Variants in N4BP2 observed in about 807,000 individuals in gnomAD.
N4BP2 encodes NEDD4 binding protein 2.
In N4BP2, 91 loss-of-function variants were observed where a neutral mutation model predicts 152.8. That is an observed-to-expected ratio of 0.60 (90% confidence interval 0.50 to 0.71). The LOEUF (loss-of-function observed/expected upper bound fraction) is 0.71. N4BP2 is among the 30% of genes least tolerant of loss of function. N4BP2 has a pLI of 0.00. For missense variants in N4BP2, 1,923 were observed against 2,059.1 expected, an observed-to-expected ratio of 0.93 and a Z score of 1.28; for synonymous variants, 646 against 705.3, an observed-to-expected ratio of 0.92 and a Z score of 1.33.
intron 7 of N4BP2, 97 bp downstream of exon 7, chr4:40,113,605 T>G (rs2109983706): frequency 3.6e-6 from 3 of 822,518 alleles, no homozygotes; most frequent in Middle Eastern, 4.6e-4. Context: ...ATGAATTGAT[T>G]AGATTGTAAC....
intron 13 of N4BP2, among the ~76,000 whole-genome samples, chr4:40,133,566 C>T (rs1341370912): frequency 1.3e-5 from 2 of 152,026 alleles, no homozygotes; most frequent in South Asian, 4.2e-4. Context: ...GAACTCCTGA[C>T]CTCAGCTGAT....
intron 2 of N4BP2, among the ~76,000 whole-genome samples, chr4:40,089,615 T>G (rs1409478377): frequency 6.6e-6 from 1 of 151,946 alleles, no homozygotes; most frequent in East Asian, 1.9e-4. Context: ...TTTTGTATTT[T>G]TAGTAGAGAC....
chr4:40,068,742 G>T (rs1039482028), intron 1 of N4BP2, among the ~76,000 whole-genome samples: 1 of 152,150 alleles, frequency 6.6e-6, no homozygotes, highest in Admixed American at 6.6e-5. Flanking sequence ...TTTTGAAATA[G>T]GAAGTATGAG....
intron 3 of N4BP2, among the ~76,000 whole-genome samples, chr4:40,100,747 G>C (rs1715569634): frequency 6.6e-6 from 1 of 152,084 alleles, no homozygotes; most frequent in African/African-American, 2.4e-5. Context: ...ACCAGTCCTG[G>C]CTCTGTCACT....
chr4:40,119,090 C>A (rs149371359), intron 8 of N4BP2, among the ~76,000 whole-genome samples: 259 of 152,302 alleles, frequency 1.7e-3, no homozygotes, highest in African/African-American at 5.8e-3. Flanking sequence ...AAAGCTTTGT[C>A]ATCTCTGACA....
At chr4:40,074,351 A>G (rs1173253554) in intron 2 of N4BP2, among the ~76,000 whole-genome samples, 1 of 79,968 alleles carries the variant, frequency 1.3e-5, no homozygotes, top group Non-Finnish European at 3.2e-5. Context: ...TTGACCTCCC[A>G]AAGTGCTGGA....
chr4:40,142,938 A>G, intron 15 of N4BP2, 77 bp downstream of exon 15: 1 of 1,174,672 alleles, frequency 8.5e-7, no homozygotes, highest in Non-Finnish European at 1.2e-6. Context: ...AGACACCCAT[A>G]TTGTGACTAG....
intron 14 of N4BP2, among the ~76,000 whole-genome samples, chr4:40,139,619 G>C (rs1478923247): frequency 6.6e-6 from 1 of 150,930 alleles, no homozygotes; most frequent in Non-Finnish European, 1.5e-5. Flanking sequence ...AGCCTCCCAG[G>C]TAGCTGGGAT....
intron 5 of N4BP2, among the ~76,000 whole-genome samples, chr4:40,110,585 T>G (rs184550947): frequency 4.5e-4 from 69 of 152,362 alleles, no homozygotes; most frequent in Non-Finnish European, 2.9e-4. Flanking sequence ...TCACTTAGAC[T>G]GGAGTGCAGT....
At chr4:40,134,895 TCCTTCCTTTC>T (rs1295825918) in intron 13 of N4BP2, among the ~76,000 whole-genome samples, 4 of 85,322 alleles carry the variant, frequency 4.7e-5, no homozygotes, top group South Asian at 6.8e-4. Flanking sequence ...CTCCCTTCCT[TCCTTCCTTTC>T]TCTCTCTCTC....
intron 2 of N4BP2, among the ~76,000 whole-genome samples, chr4:40,088,720 G>A (rs1285861976): frequency 6.6e-6 from 1 of 152,022 alleles, no homozygotes; most frequent in East Asian, 1.9e-4. Context: ...GGCCGGTCTC[G>A]AATTCCTGAC....
At chr4:40,176,494 T>C in the N4BP2 span, among the ~76,000 whole-genome samples, 2 of 152,146 alleles carry the variant, frequency 1.3e-5, no homozygotes, top group African/African-American at 4.8e-5. Flanking sequence ...GGAGAGTGTA[T>C]AGTTTTGACA....
Position 40,121,277 on chromosome 4 carries a change from A to C in N4BP2, c.3166A>C (p.Ile1056Leu). 6.2e-7 allele frequency: 1 copy of C among 1,613,388 alleles called. No homozygotes were observed. The highest frequency in any genetic ancestry group is 1.1e-5 in the South Asian group (1 of 91,002). ...TGGATTTAAGCCGAAAGTTTTCAATATTAACACAAAATCAGACGTTCAAGA... is the reference window on the plus strand; with the variant it reads ...TGGATTTAAGCCGAAAGTTTTCAATCTTAACACAAAATCAGACGTTCAAGA... ...LDGFKPKVFN[I>L]NTKSDVQEAI... The change falls in exon 9 of 18, where the codon ATT becomes CTT. Residue 1056 changes from isoleucine to leucine, a missense_variant. By Grantham distance (5) the Ile-to-Leu change is conservative (BLOSUM62 2). Coordinates refer to ENST00000261435, the MANE Select transcript of N4BP2 (RefSeq NM_018177.6).
chr4:40,176,371 A>G, the N4BP2 span, among the ~76,000 whole-genome samples: 1 of 152,214 alleles, frequency 6.6e-6, no homozygotes, highest in Non-Finnish European at 1.5e-5. Flanking sequence ...AATCTTCACT[A>G]AGAATATGAA....
At chr4:40,077,455 C>G (rs1712865443) in intron 2 of N4BP2, among the ~76,000 whole-genome samples, 1 of 125,604 alleles carries the variant, frequency 8.0e-6, no homozygotes, top group Non-Finnish European at 1.7e-5. Context: ...GCCAGAATAT[C>G]TTTTTTTTTT....
At chr4:40,110,166 ATGAG>A (rs1481505590) in intron 5 of N4BP2, among the ~76,000 whole-genome samples, 1 of 152,156 alleles carries the variant, frequency 6.6e-6, no homozygotes, top group East Asian at 1.9e-4. Context: ...CTTTATATGG[ATGAG>A]TAAGATTCCA....
intron 1 of N4BP2, among the ~76,000 whole-genome samples, chr4:40,061,551 G>C (rs546140330): frequency 1.2e-3 from 188 of 151,896 alleles, no homozygotes; most frequent in Non-Finnish European, 1.7e-3. Flanking sequence ...TTTTAGTAGA[G>C]ATGGGGTCTC....
chr4:40,160,359 T>C (rs567523357), downstream of N4BP2, among the ~76,000 whole-genome samples: 1 of 152,374 alleles, frequency 6.6e-6, no homozygotes, highest in South Asian at 2.1e-4. Flanking sequence ...GAATGCCGTA[T>C]GCGTTTAGTA....
intron 2 of N4BP2, among the ~76,000 whole-genome samples, chr4:40,082,696 G>A (rs1203954626): frequency 6.6e-6 from 1 of 151,686 alleles, no homozygotes; most frequent in Non-Finnish European, 1.5e-5. Flanking sequence ...TTAACCACAG[G>A]CTGTATTCTT....
Sources: gnomAD v4.1 joint callset for allele counts (sites outside exome capture counted in the v4.1 genomes callset) on GRCh38, gnomAD v4.1.1 for gene constraint, MANE v1.5 for transcripts, NCBI Gene and HGNC (gene_info 2026-07-23, HGNC 2026-07-21) for gene names.